Variants in DNAJC8 observed in about 807,000 individuals in gnomAD.
DNAJC8 encodes DnaJ heat shock protein family (Hsp40) member C8.
A neutral mutation model predicts 43.2 loss-of-function variants in DNAJC8; 24 were observed. That is an observed-to-expected ratio of 0.56 (90% CI 0.40 to 0.78). DNAJC8 has a LOEUF of 0.78. DNAJC8 is among the 30% of genes least tolerant of loss of function. The pLI is 0.00. For missense variants in DNAJC8, 207 were observed against 299.4 expected (o/e 0.69, Z 2.28); for synonymous variants, 83 against 98.0 (o/e 0.85, Z 0.90).
At chr1:28,213,172 T>C (rs889685389) in intron 3 of DNAJC8, among the ~76,000 whole-genome samples, 3 of 152,328 alleles carry the variant, frequency 2.0e-5, no homozygotes, top group African/African-American at 4.8e-5. Flanking sequence ...AGTCAAGATT[T>C]AAACTAGTTG....
intron 6 of DNAJC8, among the ~76,000 whole-genome samples, chr1:28,207,892 C>A (rs1178861371): frequency 6.6e-6 from 1 of 151,872 alleles, no homozygotes; most frequent in African/African-American, 2.4e-5. Context: ...CCCGTCTCTA[C>A]TAAAAATACA....
In DNAJC8 at chr1:28,200,335, A is replaced by C; in HGVS notation, c.*913T>G. The C allele has an allele frequency of 2.7e-6, 1 of 368,684 alleles. No individual in the cohort carries two copies. Among genetic ancestry groups the C allele is most frequent in the South Asian group, 2.0e-5 (1 of 49,126 alleles). The allele number at this position is 368,684 out of a possible 1,614,324, so 22.8% of individuals were successfully genotyped here. ...AATCAGTATCTTCATTTTACACAGA[A>C]ATAATAGGATATTGGCAATACCCAA... On this transcript the variant is annotated 3_prime_UTR_variant, in exon 9 of 9. Coordinates refer to ENST00000263697, the MANE Select transcript of DNAJC8 (RefSeq NM_014280.3).
At chr1:28,202,077 C>G (rs150729143) in intron 8 of DNAJC8, among the ~76,000 whole-genome samples, 78 of 151,952 alleles carry the variant, frequency 5.1e-4, no homozygotes, top group African/African-American at 1.8e-3. Flanking sequence ...GCAACAAGGG[C>G]AAAACTCCGT....
intron 4 of DNAJC8, 72 bp from the exon 5 acceptor site, chr1:28,210,138 TA>T (rs1367477497): frequency 3.3e-5 from 43 of 1,310,652 alleles, no homozygotes; most frequent in Non-Finnish European, 4.2e-5. Flanking sequence ...TCAGGCAGTG[TA>T]AATGGACTTG....
chr1:28,215,075 T>C (rs1646841899), intron 2 of DNAJC8, 79 bp from the exon 3 acceptor site: 1 of 1,206,098 alleles, frequency 8.3e-7, no homozygotes, highest in African/African-American at 1.5e-5. Flanking sequence ...AGTAATTATA[T>C]ATATTATAAT....
chr1:28,212,914 T>TG (rs1572063430), intron 3 of DNAJC8, among the ~76,000 whole-genome samples: 1 of 152,222 alleles, frequency 6.6e-6, no homozygotes, highest in East Asian at 1.9e-4. Flanking sequence ...ATTGGGCTGA[T>TG]ATAAGAATGA....
chr1:28,218,246 C>T (rs1036130924), intron 2 of DNAJC8, among the ~76,000 whole-genome samples: 21 of 151,654 alleles, frequency 1.4e-4, no homozygotes, highest in Non-Finnish European at 1.3e-4. Flanking sequence ...CAGGCATGTG[C>T]CACCACGCCC....
intron 2 of DNAJC8, among the ~76,000 whole-genome samples, chr1:28,215,272 A>G (rs1646843041): frequency 6.6e-6 from 1 of 152,220 alleles, no homozygotes; most frequent in Non-Finnish European, 1.5e-5. Context: ...ACATTTTTAC[A>G]TGAGAAAATT....
chr1:28,201,520 G>A (rs969617388), intron 8 of DNAJC8, 150 bp from the exon 9 acceptor site: 133 of 1,247,896 alleles, frequency 1.1e-4, no homozygotes, highest in Middle Eastern at 5.1e-4. Flanking sequence ...CAGGCACAGT[G>A]GCTCATACCT....
At chr1:28,213,058 A>C (rs972862302) in intron 3 of DNAJC8, among the ~76,000 whole-genome samples, 1 of 152,222 alleles carries the variant, frequency 6.6e-6, no homozygotes, top group Non-Finnish European at 1.5e-5. Flanking sequence ...TTCTTACAAC[A>C]AACTCATGGG....
At chr1:28,206,874 T>C (rs757618745) in intron 6 of DNAJC8, among the ~76,000 whole-genome samples, 1 of 152,190 alleles carries the variant, frequency 6.6e-6, no homozygotes, top group East Asian at 1.9e-4. Context: ...TGCTAGACAC[T>C]GCTCACTAAA....
At chr1:28,218,838 T>C (rs1048796244) in intron 2 of DNAJC8, among the ~76,000 whole-genome samples, 5 of 152,222 alleles carry the variant, frequency 3.3e-5, no homozygotes, top group Non-Finnish European at 7.4e-5. Flanking sequence ...GAGAAAGGAA[T>C]TGGGAAAGTC....
chr1:28,201,404 A>T (rs1438753106), intron 8 of DNAJC8, 34 bp from the exon 9 acceptor site: 1 of 1,612,924 alleles, frequency 6.2e-7, no homozygotes, highest in East Asian at 2.2e-5. Flanking sequence ...TGAGGAGACC[A>T]GTCAATGAGT....
At chr1:28,231,069 T>C (rs1646970572) in intron 1 of DNAJC8, among the ~76,000 whole-genome samples, 1 of 152,188 alleles carries the variant, frequency 6.6e-6, no homozygotes, top group African/African-American at 2.4e-5. Flanking sequence ...TGAAAATGTT[T>C]ATTTTAAAAT....
intron 3 of DNAJC8, among the ~76,000 whole-genome samples, chr1:28,213,609 A>G (rs1646830189): frequency 6.6e-6 from 1 of 152,210 alleles, no homozygotes; most frequent in South Asian, 2.1e-4. Flanking sequence ...ACCCTATTAA[A>G]ATATGAAGTA....
chr1:28,225,457 A>G (rs1646927550), intron 2 of DNAJC8, among the ~76,000 whole-genome samples: 1 of 151,480 alleles, frequency 6.6e-6, no homozygotes, highest in African/African-American at 2.4e-5. Flanking sequence ...AATAAGCCAG[A>G]CACAAAGTAA....
chr1:28,201,391 A>C, intron 8 of DNAJC8, 21 bp from the exon 9 acceptor site: 1 of 1,613,542 alleles, frequency 6.2e-7, no homozygotes, highest in Non-Finnish European at 8.5e-7. Context: ...AAGAAGTTTG[A>C]GGTGAGGAGA....
chr1:28,212,168 A>AATAAAAATATATATATAT (rs35950985), intron 3 of DNAJC8, among the ~76,000 whole-genome samples: 8 of 31,022 alleles, frequency 2.6e-4, no homozygotes, highest in South Asian at 1.4e-3. Flanking sequence ...TAAATAAATA[A>AATAAAAATATATATATAT]ATATATATAT....
intron 5 of DNAJC8, among the ~76,000 whole-genome samples, chr1:28,209,141 TC>T (rs1304005293): frequency 2.6e-5 from 4 of 152,140 alleles, no homozygotes; most frequent in Admixed American, 2.6e-4. Context: ...TCAGGCACTT[TC>T]CCTATTTCTA....
Sources: gnomAD v4.1 joint callset for allele counts (sites outside exome capture counted in the v4.1 genomes callset) on GRCh38, gnomAD v4.1.1 for gene constraint, MANE v1.5 for transcripts, NCBI Gene and HGNC (gene_info 2026-07-23, HGNC 2026-07-21) for gene names.